Variants in TSC22D2 observed in about 807,000 individuals in gnomAD.
TSC22D2 encodes the protein TSC22 domain family protein 2.
Under a neutral mutation model 50.1 loss-of-function variants are expected in TSC22D2, and 5 were observed. The observed-to-expected ratio is 0.10, with a 90% CI of 0.05 to 0.21. TSC22D2 has a LOEUF of 0.21. Among genes scored for constraint, TSC22D2 ranks in the 10% least tolerant of loss-of-function variants. TSC22D2 has a pLI of 1.00. For missense variants in TSC22D2, 1,003 were observed against 1,015.5 expected, an observed-to-expected ratio of 0.99 and a Z score of 0.17; for synonymous variants, 501 against 450.1, an observed-to-expected ratio of 1.11 and a Z score of -1.43.
At chr3:150,415,675 T>A (rs1300512368) in intron 1 of TSC22D2, among the ~76,000 whole-genome samples, 2 of 151,968 alleles carry the variant, frequency 1.3e-5, no homozygotes, top group East Asian at 3.9e-4. Context: ...ATTAGCCAGG[T>A]CTGGAGGCCA....
chr3:150,416,149 T>C (rs990434686), intron 1 of TSC22D2, among the ~76,000 whole-genome samples: 29 of 152,162 alleles, frequency 1.9e-4, no homozygotes, highest in Non-Finnish European at 3.4e-4. Flanking sequence ...GCATGAAATA[T>C]AGTCTCAAAA....
At chr3:150,420,804 A>G (rs1225877621) in intron 1 of TSC22D2, among the ~76,000 whole-genome samples, 1 of 150,642 alleles carries the variant, frequency 6.6e-6, no homozygotes, top group Non-Finnish European at 1.5e-5. Context: ...TAAAGATGCC[A>G]GGTGTGGTGG....
Position 150,458,794 on chromosome 3 carries a change from C to T in TSC22D2, c.*158C>T. The stretch of plus-strand genomic sequence containing the variant: ...ATCATTCTACAAGAGCTTTTCCTCT[C>T]TCTGAGATGTCATGCAGCGCTGTTG... On this transcript the variant is annotated 3_prime_UTR_variant, in exon 3 of 3. Transcript: ENST00000688009. The T allele has an allele frequency of 1.1e-6, 1 of 882,592 alleles. No homozygotes were observed. The allele number at this position is 882,592 out of a possible 1,614,324, so 54.7% of individuals were successfully genotyped here.
intron 1 of TSC22D2, 25 bp downstream of exon 1, chr3:150,411,333 T>C: frequency 6.4e-7 from 1 of 1,567,226 alleles, no homozygotes; most frequent in South Asian, 1.2e-5. Flanking sequence ...ATTTTAAATA[T>C]TTGATAGAAA....
In TSC22D2 at chr3:150,453,263, TATAAC is replaced by T. The variant is rs150084194; in HGVS notation, c.1959-3810_1959-3806del. Among the ~76,000 whole-genome samples the T allele has an allele frequency of 1.6e-3, 242 of 152,344 alleles. 1 individual carries two copies. Among genetic ancestry groups the T allele is most frequent in the African/African-American group, 5.4e-3 (226 of 41,586 alleles). On this transcript the variant is annotated intron_variant, in intron 1 of 2. Coordinates refer to ENST00000688009, the MANE Select transcript of TSC22D2 (RefSeq NM_001303264.2). ...AAAAAGAAAACAAGGTATATAGTAT[TATAAC>T]ATTAGGTGAAGGAAGGAAATTATTG...
At chr3:150,452,286 A>C (rs987747107) in intron 1 of TSC22D2, among the ~76,000 whole-genome samples, 1 of 152,058 alleles carries the variant, frequency 6.6e-6, no homozygotes, top group African/African-American at 2.4e-5. Flanking sequence ...TCTCCACTAA[A>C]AATACAAAAT....
chr3:150,409,924 A>G lies in TSC22D2; in HGVS notation c.574A>G (p.Ser192Gly). 1 of 1,613,956 alleles carries G rather than the reference A, an allele frequency of 6.2e-7. No homozygotes were observed. Among genetic ancestry groups the G allele is most frequent in the South Asian group, 1.1e-5 (1 of 91,090 alleles). Reference sequence around the variant, plus strand: ...GGAATACTATGAGAGGGATTCAGACAGCAGCGTCCTGACTAGATCCGGGGA... The same window carrying G: ...GGAATACTATGAGAGGGATTCAGACGGCAGCGTCCTGACTAGATCCGGGGA... ...CMEYYERDSDSSVLTRSGDCI... is the reference protein window; with the variant it reads ...CMEYYERDSDGSVLTRSGDCI... The change falls in exon 1 of 3, where the codon AGC (serine) becomes GGC (glycine). Residue 192 changes from serine to glycine, a missense_variant. Physicochemically the swap from Ser to Gly is moderately conservative, Grantham distance 56. Transcript: ENST00000688009. The surrounding 1 kb of genome is among the most constrained non-coding windows in gnomAD (Gnocchi z 7.4).
chr3:150,410,331 G>A lies in TSC22D2; in HGVS notation c.981G>A (p.Thr327=). 6.9e-6 allele frequency: 11 copies of A among 1,583,494 alleles called. No homozygotes were observed. Among genetic ancestry groups the A allele is most frequent in the Non-Finnish European group, 8.6e-6 (10 of 1,163,896 alleles). ...AGPGGQTLPP[T]NVTLAQPAMS... is the part of the protein sequence containing the mutation. ...CCGGGGGACAGACTCTGCCGCCGAC[G>A]AATGTAACCCTGGCGCAGCCGGCTA... is the stretch of plus-strand genomic sequence containing the variant. Residue 327 remains threonine, a synonymous_variant, in exon 1 of 3, where the codon ACG becomes ACA. Coordinates refer to ENST00000688009, the MANE Select transcript of TSC22D2 (RefSeq NM_001303264.2).
At chr3:150,456,837 G>A (rs1002603438) in intron 1 of TSC22D2, 9 of 474,266 alleles carry the variant, frequency 1.9e-5, no homozygotes, top group African/African-American at 1.0e-4. Context: ...TAGCATACAT[G>A]TATTACAGGC....
At chr3:150,412,445 T>G (rs1038669302) in intron 1 of TSC22D2, among the ~76,000 whole-genome samples, 1 of 152,196 alleles carries the variant, frequency 6.6e-6, no homozygotes, top group Non-Finnish European at 1.5e-5. Context: ...ATGTTAAAGC[T>G]TTCTCTTCCT....
Position 150,461,067 on chromosome 3 carries a change from A to ACTT in TSC22D2, c.*2432_*2434dup, listed in dbSNP as rs1163704231. On this transcript the variant is annotated 3_prime_UTR_variant, in exon 3 of 3. Coordinates refer to ENST00000688009, the MANE Select transcript of TSC22D2 (RefSeq NM_001303264.2). ...TGTAATAAGTGTCCTAAGTAGCAGGACTTAACATAGAAAGAAAGACAGGCT... is the reference window on the plus strand; with the variant it reads ...TGTAATAAGTGTCCTAAGTAGCAGGACTTCTTAACATAGAAAGAAAGACAGGCT... The ACTT allele has an allele frequency of 3.9e-5, 6 of 152,180 alleles. No homozygotes were observed. The highest frequency in any genetic ancestry group is 1.4e-4 in the African/African-American group (6 of 41,438). The allele number at this position is 152,180 out of a possible 1,614,324, so 9.4% of individuals were successfully genotyped here. A position where few individuals can be genotyped will look rare whatever the true frequency, so the allele number is the denominator to read the frequency against.
Position 150,460,119 on chromosome 3 carries a change from A to ATATT in TSC22D2, c.*1485_*1488dup, listed in dbSNP as rs1721349874. 1 of 152,156 alleles carries ATATT rather than the reference A, an allele frequency of 6.6e-6. No homozygotes were observed. The highest frequency in any genetic ancestry group is 1.5e-5 in the Non-Finnish European group (1 of 68,024). 9.4% of individuals were successfully genotyped at this position (152,156 alleles called of 1,614,324 possible). ...GAAATTAAACTGCAGTTTTGTTGAAATATTTGGCTCTATATGTGTTCAAAA... is the reference window on the plus strand; with the variant it reads ...GAAATTAAACTGCAGTTTTGTTGAAATATTTATTTGGCTCTATATGTGTTCAAAA... On this transcript the variant is annotated 3_prime_UTR_variant, in exon 3 of 3. Coordinates refer to ENST00000688009, the MANE Select transcript of TSC22D2 (RefSeq NM_001303264.2).
intron 1 of TSC22D2, among the ~76,000 whole-genome samples, chr3:150,417,718 A>G (rs1719865111): frequency 6.6e-6 from 1 of 152,136 alleles, no homozygotes; most frequent in Non-Finnish European, 1.5e-5. Flanking sequence ...AGAAATGTTA[A>G]TATTTCAGTG....
chr3:150,449,969 T>G (rs980725866), intron 1 of TSC22D2, among the ~76,000 whole-genome samples: 10 of 151,640 alleles, frequency 6.6e-5, no homozygotes, highest in Admixed American at 6.6e-4. Context: ...TATTAGAGAC[T>G]TTTTAACTTT....
chr3:150,432,884 T>C (rs1576549220), intron 1 of TSC22D2, among the ~76,000 whole-genome samples: 3 of 152,192 alleles, frequency 2.0e-5, no homozygotes, highest in Non-Finnish European at 4.4e-5. Context: ...TGACTGACTC[T>C]ATTCTAGCCT....
chr3:150,437,668 C>T (rs1047746104), intron 1 of TSC22D2, among the ~76,000 whole-genome samples: 1 of 151,772 alleles, frequency 6.6e-6, no homozygotes, highest in African/African-American at 2.4e-5. Context: ...ATTAGCCAGG[C>T]GTGGTGGCAC....
chr3:150,413,047 G>C (rs1265018975), intron 1 of TSC22D2, among the ~76,000 whole-genome samples: 4 of 151,794 alleles, frequency 2.6e-5, no homozygotes, highest in African/African-American at 9.7e-5. Flanking sequence ...TTTCCCTTCT[G>C]TGCACACCTC....
intron 1 of TSC22D2, among the ~76,000 whole-genome samples, chr3:150,451,227 A>G (rs918145831): frequency 6.6e-6 from 1 of 152,272 alleles, no homozygotes; most frequent in East Asian, 1.9e-4. Flanking sequence ...CAAGGCATTT[A>G]TTTTATTTAT....
chr3:150,446,700 A>G (rs1415893274), intron 1 of TSC22D2, among the ~76,000 whole-genome samples: 1 of 152,184 alleles, frequency 6.6e-6, no homozygotes, highest in Non-Finnish European at 1.5e-5. Context: ...AATCAGAATC[A>G]AGCAACTGTC....
Sources: allele counts gnomAD v4.1 joint callset (sites outside exome capture counted in the v4.1 genomes callset), GRCh38; gene constraint gnomAD v4.1.1; non-coding constraint Gnocchi (gnomAD v3.1); transcripts MANE v1.5; gene names NCBI Gene and HGNC (gene_info 2026-07-23, HGNC 2026-07-21).